Variants in C12orf42 observed in about 807,000 individuals in gnomAD.
C12orf42 encodes chromosome 12 open reading frame 42, also known as uncharacterized protein C12orf42.
A neutral mutation model predicts 21.6 loss-of-function variants in C12orf42; 25 were observed. The observed-to-expected ratio is 1.16, with a 90% CI of 0.84 to 1.62. The LOEUF is 1.62. Among genes scored for constraint, C12orf42 ranks in the 40% most tolerant of loss-of-function variants. The pLI, the probability that C12orf42 is intolerant of heterozygous loss-of-function variation, is 0.00. For missense variants in C12orf42, 483 were observed against 459.3 expected, an observed-to-expected ratio of 1.05 and a Z score of -0.47; for synonymous variants, 174 against 175.0, an observed-to-expected ratio of 0.99 and a Z score of 0.05.
chr12:103,364,659 C>A (rs1020037463), intron 4 of C12orf42, among the ~76,000 whole-genome samples: 2 of 151,754 alleles, frequency 1.3e-5, no homozygotes, highest in African/African-American at 2.4e-5. Context: ...ATATTACAAC[C>A]AACATCAGAG....
the C12orf42 span, among the ~76,000 whole-genome samples, chr12:103,052,261 T>C: frequency 6.6e-6 from 1 of 152,328 alleles, no homozygotes; most frequent in Admixed American, 6.5e-5. Context: ...TTATAGATGC[T>C]GCCAAATGAC....
At chr12:103,156,433 T>C in the C12orf42 span, among the ~76,000 whole-genome samples, 7 of 152,272 alleles carry the variant, frequency 4.6e-5, no homozygotes, top group South Asian at 4.1e-4. Context: ...TGGGTTCTGA[T>C]TGTAAAAATT....
At chr12:103,255,636 C>T (rs1398868076) in intron 10 of C12orf42, among the ~76,000 whole-genome samples, 1 of 151,872 alleles carries the variant, frequency 6.6e-6, no homozygotes, top group African/African-American at 2.4e-5. Context: ...GTTTTAAGGA[C>T]CATTTAGTCT....
intron 2 of C12orf42, among the ~76,000 whole-genome samples, chr12:103,463,855 G>C (rs1031996511): frequency 5.9e-5 from 9 of 152,264 alleles, no homozygotes; most frequent in African/African-American, 2.2e-4. Flanking sequence ...TTAGTTTGCT[G>C]AGGATAATGG....
the C12orf42 span, among the ~76,000 whole-genome samples, chr12:103,146,588 G>GAAAGAAAGAAAGAAAGAA: frequency 1.3e-4 from 19 of 148,354 alleles, no homozygotes; most frequent in African/African-American, 4.5e-4. Context: ...AAGAAAGAAA[G>GAAAGAAAGAAAGAAAGAA]AAAGAAAGAA....
chr12:103,216,124 A>T, the C12orf42 span, among the ~76,000 whole-genome samples: 1 of 152,162 alleles, frequency 6.6e-6, no homozygotes, highest in Non-Finnish European at 1.5e-5. Flanking sequence ...CTGACCAAGA[A>T]ACTAAGATAA....
the C12orf42 span, among the ~76,000 whole-genome samples, chr12:103,053,273 T>G: frequency 6.6e-6 from 1 of 152,004 alleles, no homozygotes; most frequent in African/African-American, 2.4e-5. Flanking sequence ...GATAACATCT[T>G]AAATATTATT....
intron 4 of C12orf42, among the ~76,000 whole-genome samples, chr12:103,296,737 C>A (rs920682886): frequency 3.9e-5 from 6 of 152,030 alleles, no homozygotes; most frequent in African/African-American, 1.2e-4. Context: ...TGTTTGAGTT[C>A]TTTGTAGATT....
the C12orf42 span, among the ~76,000 whole-genome samples, chr12:103,088,670 C>A: frequency 1.3e-5 from 2 of 152,138 alleles, no homozygotes; most frequent in African/African-American, 4.8e-5. Context: ...GATATTAAAG[C>A]AATGATAAAG....
the C12orf42 span, among the ~76,000 whole-genome samples, chr12:103,183,361 T>C: frequency 6.6e-6 from 1 of 152,374 alleles, no homozygotes; most frequent in South Asian, 2.1e-4. Flanking sequence ...ATTACAGGCG[T>C]GAGCCACCAC....
the C12orf42 span, among the ~76,000 whole-genome samples, chr12:103,181,377 A>C: frequency 1.8e-4 from 27 of 152,230 alleles, no homozygotes; most frequent in African/African-American, 6.3e-4. Context: ...TCAAGAGAAG[A>C]AGCATTGTAA....
chr12:103,153,200 T>G, the C12orf42 span, among the ~76,000 whole-genome samples: 2 of 152,154 alleles, frequency 1.3e-5, no homozygotes, highest in Non-Finnish European at 2.9e-5. Context: ...GATTTAATTA[T>G]GAAGGAAAAA....
the C12orf42 span, among the ~76,000 whole-genome samples, chr12:103,082,267 TA>T: frequency 2.8e-4 from 42 of 152,276 alleles, no homozygotes; most frequent in Middle Eastern, 3.4e-3. Flanking sequence ...ATTCTGAGAG[TA>T]AAAGAGGATG....
chr12:103,278,896 T>A (rs2035937898), intron 4 of C12orf42, among the ~76,000 whole-genome samples: 1 of 152,196 alleles, frequency 6.6e-6, no homozygotes, highest in Non-Finnish European at 1.5e-5. Flanking sequence ...CCCTCCTGAA[T>A]GTTCCTGTCA....
chr12:103,423,444 A>G (rs1387262328), intron 2 of C12orf42, among the ~76,000 whole-genome samples: 1 of 152,250 alleles, frequency 6.6e-6, no homozygotes, highest in Non-Finnish European at 1.5e-5. Context: ...TGCAGATTCT[A>G]TCAGGGGCTT....
At chr12:103,548,886 C>CA in the C12orf42 span, 2 of 152,054 alleles carry the variant, frequency 1.3e-5, no homozygotes, top group Non-Finnish European at 2.9e-5. Context: ...TCTGAGGATC[C>CA]AAAAGCCCAA....
intron 2 of C12orf42, among the ~76,000 whole-genome samples, chr12:103,452,737 G>A (rs1259939605): frequency 2.0e-5 from 3 of 152,098 alleles, no homozygotes; most frequent in Non-Finnish European, 4.4e-5. Flanking sequence ...GGACATGGAT[G>A]AAGCTGGAAA....
chr12:103,485,480 TTAAAG>T (rs1954770817), intron 1 of C12orf42, among the ~76,000 whole-genome samples: 1 of 152,214 alleles, frequency 6.6e-6, no homozygotes, highest in African/African-American at 2.4e-5. Context: ...CATATGAACT[TTAAAG>T]TAGTTTTTTC....
At chr12:103,218,020 G>C in the C12orf42 span, among the ~76,000 whole-genome samples, 21 of 152,054 alleles carry the variant, frequency 1.4e-4, no homozygotes, top group Non-Finnish European at 2.4e-4. Flanking sequence ...GGTGGCTCAC[G>C]CCTGTAATCC....
Sources: allele counts gnomAD v4.1 joint callset (sites outside exome capture counted in the v4.1 genomes callset), GRCh38; gene constraint gnomAD v4.1.1; transcripts MANE v1.5; gene names NCBI Gene and HGNC (gene_info 2026-07-23, HGNC 2026-07-21).